Variants in NFILZ observed in about 807,000 individuals in gnomAD.
The protein encoded by NFILZ is NFIL3 like protein.
rs2043002692 is a variant in NFILZ, at chr19:8,656,482, C to CCCACCTTCTCCCTGA, written c.-163-18069_-163-18068insCCACCTTCTCCCTGA. 4.4e-4 allele frequency among the ~76,000 whole-genome samples: 20 copies of CCCACCTTCTCCCTGA among 45,602 alleles called. 2 individuals are homozygous for CCCACCTTCTCCCTGA. Among genetic ancestry groups the CCCACCTTCTCCCTGA allele is most frequent in the South Asian group, 1.5e-3 (2 of 1,348 alleles). 29.9% of individuals were successfully genotyped at this position (45,602 alleles called of 152,430 possible). On this transcript the variant is annotated intron_variant, in intron 3 of 5. Coordinates refer to ENST00000691075, the MANE Select transcript of NFILZ (RefSeq NM_001378600.1). ...TCTCTCTGAAGCCCACCTTCTCCCGCAGCCCACCTTCTCCCGCAGCCCACC... is the reference window on the plus strand; with the variant it reads ...TCTCTCTGAAGCCCACCTTCTCCCGCCCACCTTCTCCCTGAAGCCCACCTTCTCCCGCAGCCCACC...
intron 3 of NFILZ, among the ~76,000 whole-genome samples, chr19:8,644,800 C>G (rs1322602141): frequency 4.0e-5 from 6 of 149,796 alleles, no homozygotes; most frequent in Non-Finnish European, 7.4e-5. Context: ...AGTTTTCGCT[C>G]TTGTTGCCCA....
At chr19:8,659,108 G>A (rs2043017841) in intron 3 of NFILZ, among the ~76,000 whole-genome samples, 2 of 152,074 alleles carry the variant, frequency 1.3e-5, no homozygotes, top group Middle Eastern at 6.8e-3. Context: ...TTAGCCAGGT[G>A]TAGTGGTGTG....
At chr19:8,647,791 G>GCACACACACACA (rs1349279601) in intron 3 of NFILZ, among the ~76,000 whole-genome samples, 11 of 70,026 alleles carry the variant, frequency 1.6e-4, no homozygotes, top group Non-Finnish European at 2.4e-4. Flanking sequence ...GCGCGCGCGC[G>GCACACACACACA]CGCGCACACA....
chr19:8,642,924 C>T (rs1166036806), intron 3 of NFILZ, among the ~76,000 whole-genome samples: 4 of 149,394 alleles, frequency 2.7e-5, no homozygotes, highest in African/African-American at 4.9e-5. Context: ...GGTGTTGAAT[C>T]GTCAGTTTCA....
At chr19:8,652,847 T>TTTCC (rs2042970423) in intron 3 of NFILZ, among the ~76,000 whole-genome samples, 1 of 150,212 alleles carries the variant, frequency 6.7e-6, no homozygotes, top group African/African-American at 2.5e-5. Flanking sequence ...TCTTTCTTTC[T>TTTCC]TTCCTTTTCT....
chr19:8,663,750 G>GTGTGTGTGTGTGTATGTGTGTA (rs1568423389), intron 3 of NFILZ, among the ~76,000 whole-genome samples: 4 of 137,064 alleles, frequency 2.9e-5, no homozygotes, highest in South Asian at 2.4e-4. Context: ...GTGTGTGTGT[G>GTGTGTGTGTGTGTATGTGTGTA]TGTGTGTGTG....
At chr19:8,674,191 T>C (rs1460627173) in intron 3 of NFILZ, among the ~76,000 whole-genome samples, 20 of 152,222 alleles carry the variant, frequency 1.3e-4, no homozygotes, top group Admixed American at 1.3e-3. Flanking sequence ...GGTGGCCTCC[T>C]GAGCACATGA....
intron 3 of NFILZ, among the ~76,000 whole-genome samples, chr19:8,656,352 T>TCCCTGAAGCCCACCTTC (rs2042996781): frequency 2.4e-4 from 7 of 28,848 alleles, no homozygotes; most frequent in Non-Finnish European, 4.1e-4. Flanking sequence ...AGCCCACCTC[T>TCCCTGAAGCCCACCTTC]TCCCTGAAGC....
At chr19:8,638,641 G>A (rs757335238) in intron 3 of NFILZ, 1 of 152,186 alleles carries the variant, frequency 6.6e-6, no homozygotes, top group East Asian at 1.9e-4. Flanking sequence ...AAGATGAAGA[G>A]TTGGTCAAGT....
chr19:8,678,184 T>TCCATCCATCCATCCATCCATCCGTCCTC lies in NFILZ; in HGVS notation c.*555_*556insATCCATCCATCCATCCGTCCTCCCATCC. Among the ~76,000 whole-genome samples, 1 of 49,384 alleles carries TCCATCCATCCATCCATCCATCCGTCCTC rather than the reference T, an allele frequency of 2.0e-5. No homozygotes were observed. The highest frequency in any genetic ancestry group is 8.2e-5 in the African/African-American group (1 of 12,178). 32.4% of individuals were successfully genotyped at this position (49,384 alleles called of 152,430 possible). A position where few individuals can be genotyped will look rare whatever the true frequency, so the allele number is the denominator to read the frequency against. On this transcript the variant is annotated 3_prime_UTR_variant, in exon 6 of 6. Coordinates refer to ENST00000691075, the MANE Select transcript of NFILZ (RefSeq NM_001378600.1). The stretch of plus-strand genomic sequence containing the variant: ...ATCCATCCATCCATCCATCCATCCA[T>TCCATCCATCCATCCATCCATCCGTCCTC]CCATCCGTCCATCTATCCATCCATC...
chr19:8,660,183 T>A (rs1555748929), intron 3 of NFILZ, among the ~76,000 whole-genome samples: 1 of 152,166 alleles, frequency 6.6e-6, no homozygotes, highest in East Asian at 1.9e-4. Context: ...ACTAGCTGTG[T>A]GACCCTAGGC....
chr19:8,633,436 A>G (rs2042879664), intron 2 of NFILZ, among the ~76,000 whole-genome samples: 2 of 152,056 alleles, frequency 1.3e-5, no homozygotes, highest in South Asian at 4.1e-4. Context: ...ACCCTTTTCC[A>G]GTAAAAGTTG....
intron 3 of NFILZ, among the ~76,000 whole-genome samples, chr19:8,661,222 A>T (rs1363704206): frequency 6.9e-6 from 1 of 144,248 alleles, no homozygotes; most frequent in Non-Finnish European, 1.5e-5. Context: ...CAGTGCAGTG[A>T]TGCAATCATA....
chr19:8,678,123 ATCCCTCCATCCATTCATCCACTTG>A lies in NFILZ; in HGVS notation c.*492_*515del, dbSNP rs1568426383. Among the ~76,000 whole-genome samples the A allele has an allele frequency of 1.4e-5, 2 of 147,542 alleles. No homozygotes were observed. The highest frequency in any genetic ancestry group is 3.0e-5 in the Non-Finnish European group (2 of 66,630). On this transcript the variant is annotated 3_prime_UTR_variant, in exon 6 of 6. Coordinates refer to ENST00000691075, the MANE Select transcript of NFILZ (RefSeq NM_001378600.1). ...CATCCATCCATCCATCCATCCATCCATCCCTCCATCCATTCATCCACTTGTCCGTCCATCCATCCATCCATCCAT... is the reference window on the plus strand; with the variant it reads ...CATCCATCCATCCATCCATCCATCCATCCGTCCATCCATCCATCCATCCAT...
At chr19:8,653,000 C>T (rs369351234) in intron 3 of NFILZ, among the ~76,000 whole-genome samples, 6,771 of 44,200 alleles carry the variant, frequency 0.15, 588 homozygotes, top group East Asian at 0.49. Context: ...TCCTTCCTTC[C>T]TTCCTTCCTT....
intron 3 of NFILZ, among the ~76,000 whole-genome samples, chr19:8,670,847 TAGTC>T (rs1272129115): frequency 6.6e-6 from 1 of 151,932 alleles, no homozygotes; most frequent in Non-Finnish European, 1.5e-5. Context: ...ATACAAAAAT[TAGTC>T]AGGCGTGGTG....
At chr19:8,648,535 T>A (rs1280593676) in intron 3 of NFILZ, among the ~76,000 whole-genome samples, 4 of 152,140 alleles carry the variant, frequency 2.6e-5, no homozygotes, top group Admixed American at 1.3e-4. Flanking sequence ...AAGGCAGATG[T>A]GGCTGGGCAT....
chr19:8,639,723 C>T (rs981779256), intron 3 of NFILZ, among the ~76,000 whole-genome samples: 11 of 151,938 alleles, frequency 7.2e-5, no homozygotes, highest in South Asian at 2.1e-4. Flanking sequence ...GTTGGAAGGA[C>T]GACATGAATT....
At chr19:8,647,767 ACACGCACACATGCGCGCGCGCGCGCGCG>A (rs1455614830) in intron 3 of NFILZ, among the ~76,000 whole-genome samples, 6 of 139,206 alleles carry the variant, frequency 4.3e-5, no homozygotes, top group African/African-American at 1.7e-4. Context: ...ACACACACAC[ACACGCACACATGCGCGCGCGCGCGCGCG>A]CACACACACA....
Sources: allele counts gnomAD v4.1 joint callset (sites outside exome capture counted in the v4.1 genomes callset), GRCh38; gene constraint gnomAD v4.1.1; transcripts MANE v1.5; gene names NCBI Gene and HGNC (gene_info 2026-07-23, HGNC 2026-07-21).